The following EPHA5 variants were observed in gnomAD, a reference collection of about 807,000 sequenced individuals.
EPHA5 encodes the protein EPH receptor A5.
EPHA5 carries 60 observed loss-of-function variants against 105.0 expected under a neutral mutation model. The observed-to-expected ratio is 0.57, with a 90% CI of 0.46 to 0.71. The LOEUF (loss-of-function observed/expected upper bound fraction) is 0.71, where lower values mean the gene tolerates loss of function less well. Among genes scored for constraint, EPHA5 ranks in the 30% least tolerant of loss-of-function variants. The probability of loss-of-function intolerance (pLI) is 0.00; values close to 1 mark genes in which losing one functional copy is unlikely to be tolerated. For missense variants in EPHA5, 1,218 were observed against 1,274.7 expected (o/e 0.96, Z 0.68); for synonymous variants, 513 against 449.1 (o/e 1.14, Z -1.80).
chr4:65,400,857 A>G (rs1157731494), intron 8 of EPHA5, among the ~76,000 whole-genome samples: 1 of 152,084 alleles, frequency 6.6e-6, no homozygotes, highest in African/African-American at 2.4e-5. Flanking sequence ...ATTACATGCA[A>G]GTGATGTTAA....
intron 8 of EPHA5, among the ~76,000 whole-genome samples, chr4:65,392,959 T>C (rs571858816): frequency 1.9e-4 from 29 of 152,292 alleles, no homozygotes; most frequent in South Asian, 6.2e-4. Flanking sequence ...CAATGCCCTA[T>C]AATTTGTGGC....
chr4:65,505,431 T>C (rs1012444882), intron 3 of EPHA5, among the ~76,000 whole-genome samples: 2 of 151,930 alleles, frequency 1.3e-5, no homozygotes, highest in Admixed American at 1.3e-4. Flanking sequence ...GTCAAATGAG[T>C]TTAATAAATC....
At chr4:65,434,384 C>T (rs965980772) in intron 5 of EPHA5, among the ~76,000 whole-genome samples, 1 of 152,034 alleles carries the variant, frequency 6.6e-6, no homozygotes, top group African/African-American at 2.4e-5. Context: ...TGTGTCTAAT[C>T]TATATCATTT....
chr4:65,328,345 GA>G (rs1258304942), intron 16 of EPHA5, among the ~76,000 whole-genome samples: 1 of 151,108 alleles, frequency 6.6e-6, no homozygotes, highest in Admixed American at 6.6e-5. Context: ...TTAAACAATG[GA>G]AAAACACTGA....
At chr4:65,512,012 T>C (rs900682795) in intron 3 of EPHA5, among the ~76,000 whole-genome samples, 3 of 152,192 alleles carry the variant, frequency 2.0e-5, no homozygotes, top group African/African-American at 7.2e-5. Flanking sequence ...AGGCATGTGC[T>C]ATTCAGGAGT....
At position 65,590,683 on chromosome 4, in the gene EPHA5, C is replaced by CTAT. The variant is rs552384359; in HGVS notation, c.910+10955_910+10957dup. 1.3e-3 allele frequency among the ~76,000 whole-genome samples: 193 copies of CTAT among 152,248 alleles called. 2 individuals are homozygous for CTAT. Among genetic ancestry groups the CTAT allele is most frequent in the Non-Finnish European group, 2.1e-3 (141 of 67,980 alleles). On this transcript the variant is annotated intron_variant, in intron 3 of 16. Coordinates refer to ENST00000613740, the MANE Select transcript of EPHA5 (RefSeq NM_001281766.3). ...AGAGAGACAAATTAAGCTACACTTGCTATTAGTCAGATAGTTTTCTATGCA... is the reference window on the plus strand; with the variant it reads ...AGAGAGACAAATTAAGCTACACTTGCTATTATTAGTCAGATAGTTTTCTATGCA...
chr4:65,559,653 G>A lies in EPHA5; in HGVS notation c.910+41988C>T, dbSNP rs996465841. ...CCCTACTGTGATGTGCATATGCAAAGGCCCATGAGCTTATGTGAAAATCCC... is the reference window on the plus strand; with the variant it reads ...CCCTACTGTGATGTGCATATGCAAAAGCCCATGAGCTTATGTGAAAATCCC... On this transcript the variant is annotated intron_variant, in intron 3 of 16. Transcript: ENST00000613740. Among the ~76,000 whole-genome samples the A allele has an allele frequency of 9.2e-5, 14 of 152,072 alleles. No individual in the cohort carries two copies. In the South Asian group the frequency reaches 1.9e-3, roughly 20 times the overall value.
At chr4:65,512,104 G>A (rs562169901) in intron 3 of EPHA5, among the ~76,000 whole-genome samples, 6 of 152,232 alleles carry the variant, frequency 3.9e-5, no homozygotes, top group East Asian at 1.9e-4. Flanking sequence ...ACCCAATGGT[G>A]GGGAATGAAA....
intron 5 of EPHA5, among the ~76,000 whole-genome samples, chr4:65,460,688 A>G (rs1429582138): frequency 2.0e-5 from 3 of 151,758 alleles, no homozygotes; most frequent in East Asian, 3.8e-4. Context: ...TGTTCACAGT[A>G]GTTTTTTCAA....
intron 3 of EPHA5, among the ~76,000 whole-genome samples, chr4:65,560,623 T>C (rs936403553): frequency 1.3e-5 from 2 of 152,072 alleles, no homozygotes; most frequent in African/African-American, 4.8e-5. Flanking sequence ...TCTTTTTATT[T>C]CTACTCACTG....
intron 3 of EPHA5, among the ~76,000 whole-genome samples, chr4:65,528,772 G>A (rs1022005720): frequency 5.3e-5 from 8 of 152,142 alleles, no homozygotes; most frequent in African/African-American, 1.9e-4. Context: ...AGCAAGAGGA[G>A]TGCACTAAAT....
At chr4:65,397,120 A>G in intron 8 of EPHA5, among the ~76,000 whole-genome samples, 1 of 152,208 alleles carries the variant, frequency 6.6e-6, no homozygotes, top group East Asian at 1.9e-4. Flanking sequence ...ACCACTGAAG[A>G]CCAGACTGTC....
At position 65,449,079 on chromosome 4, in the gene EPHA5, A is replaced by G. The variant is rs555539719; in HGVS notation, c.1403-28514T>C. ...TAACAAAAATGTATTTAAAAACTAC[A>G]TATTAAGAAAAAAATTCATTGGGTT... On this transcript the variant is annotated intron_variant, in intron 5 of 16. Coordinates refer to ENST00000613740, the MANE Select transcript of EPHA5 (RefSeq NM_001281766.3). 3.8e-4 allele frequency among the ~76,000 whole-genome samples: 58 copies of G among 152,290 alleles called. 1 individual carries two copies. The highest frequency in any genetic ancestry group is 2.6e-3 in the Admixed American group (40 of 15,278).
In EPHA5 at chr4:65,495,543, A is replaced by T. The variant is rs1731844326; in HGVS notation, c.911T>A (p.Val304Glu). 6.2e-7 allele frequency: 1 copy of T among 1,607,044 alleles called. No individual in the cohort carries two copies. The highest frequency in any genetic ancestry group is 8.5e-7 in the Non-Finnish European group (1 of 1,177,340). ...GYEEKNGTCQ[V>E]CRPGFFKASP... ...GGCTTTGAAGAACCCAGGTCTGCAC[A>T]CTGTCAAAAGAAATAAGAGACTAAG... The change falls in exon 4 of 17, where the codon GTG becomes GAG. Residue 304 changes from valine (V) to glutamate (E), a missense_variant and splice_region_variant. Coordinates refer to ENST00000613740, the MANE Select transcript of EPHA5 (RefSeq NM_001281766.3).
chr4:65,639,225 A>T (rs1747424182), intron 2 of EPHA5, among the ~76,000 whole-genome samples: 1 of 152,244 alleles, frequency 6.6e-6, no homozygotes, highest in African/African-American at 2.4e-5. Flanking sequence ...TGTAGGTTGC[A>T]TATGTGTAAA....
chr4:65,475,742 T>C (rs748079048), intron 5 of EPHA5, among the ~76,000 whole-genome samples: 7 of 152,188 alleles, frequency 4.6e-5, no homozygotes, highest in Admixed American at 2.6e-4. Context: ...GAATGTTTGA[T>C]GAATTTCTCA....
chr4:65,618,538 A>G (rs1243118105), intron 2 of EPHA5, among the ~76,000 whole-genome samples: 1 of 152,204 alleles, frequency 6.6e-6, no homozygotes, highest in East Asian at 1.9e-4. Context: ...ATCACTCTAC[A>G]GGATGATCAA....
intron 1 of EPHA5, among the ~76,000 whole-genome samples, chr4:65,656,327 G>C (rs959998234): frequency 3.3e-5 from 5 of 151,142 alleles, no homozygotes; most frequent in Admixed American, 3.3e-4. Context: ...TCAGTTACCT[G>C]ATGAACTGAC....
intron 5 of EPHA5, among the ~76,000 whole-genome samples, chr4:65,442,763 G>A (rs10006892): frequency 0.89 from 135,719 of 152,214 alleles, 61,200 homozygotes; most frequent in South Asian, 0.98. Context: ...AGAGCTAGTA[G>A]CAAAACATTT....
Sources: allele counts gnomAD v4.1 joint callset (sites outside exome capture counted in the v4.1 genomes callset), GRCh38; gene constraint gnomAD v4.1.1; transcripts MANE v1.5; gene names NCBI Gene and HGNC (gene_info 2026-07-23, HGNC 2026-07-21).